EYS: variants seen among roughly 807,000 people sequenced by gnomAD.
EYS encodes EGF-like photoreceptor maintenance factor, also known as protein eyes shut homolog.
Under a neutral mutation model 282.1 loss-of-function variants are expected in EYS, and 250 were observed. The observed-to-expected ratio is 0.89, with a 90% CI of 0.80 to 0.98. The LOEUF is 0.98. Among genes scored for constraint, EYS ranks in the 50% least tolerant of loss-of-function variants. The pLI, the probability that EYS is intolerant of heterozygous loss-of-function variation, is 0.00. For missense variants in EYS, 4,016 were observed against 3,709.0 expected, an observed-to-expected ratio of 1.08 and a Z score of -2.15; for synonymous variants, 1,355 against 1,282.9, an observed-to-expected ratio of 1.06 and a Z score of -1.20.
chr6:64,938,518 T>A (rs1007100331), intron 15 of EYS, among the ~76,000 whole-genome samples: 1 of 151,696 alleles, frequency 6.6e-6, no homozygotes, highest in Admixed American at 6.6e-5. Flanking sequence ...CCAACTGGTT[T>A]GACGTGATGT....
chr6:64,745,355 G>A (rs961159006), intron 22 of EYS, among the ~76,000 whole-genome samples: 3 of 152,078 alleles, frequency 2.0e-5, no homozygotes, highest in African/African-American at 7.2e-5. Context: ...GAATTAAAAT[G>A]TGCAAAATAA....
At chr6:63,839,371 T>G (rs1195713671) in intron 36 of EYS, among the ~76,000 whole-genome samples, 1 of 152,222 alleles carries the variant, frequency 6.6e-6, no homozygotes, top group Non-Finnish European at 1.5e-5. Context: ...AGTTTATCTA[T>G]GTTGCTGCAA....
intron 29 of EYS, among the ~76,000 whole-genome samples, chr6:64,384,095 G>C (rs553428340): frequency 2.2e-4 from 34 of 152,072 alleles, no homozygotes; most frequent in South Asian, 8.3e-4. Context: ...ACATTTCATA[G>C]TAATTTATTT....
intron 12 of EYS, among the ~76,000 whole-genome samples, chr6:65,205,158 A>T (rs1037699258): frequency 2.1e-4 from 32 of 149,516 alleles, no homozygotes; most frequent in Non-Finnish European, 4.0e-4. Context: ...GAGAGAACCT[A>T]TAGGGGGTCT....
intron 26 of EYS, among the ~76,000 whole-genome samples, chr6:64,478,390 AAAATAATTTAGACAATTTT>A (rs1776337327): frequency 6.6e-6 from 1 of 151,820 alleles, no homozygotes; most frequent in Non-Finnish European, 1.5e-5. Flanking sequence ...ATGGATGGAA[AAAATAATTTAGACAATTTT>A]AATATTTAAA....
intron 2 of EYS, among the ~76,000 whole-genome samples, chr6:65,618,115 G>T (rs1766289424): frequency 6.6e-6 from 1 of 152,264 alleles, no homozygotes; most frequent in Non-Finnish European, 1.5e-5. Context: ...CTAGATCCCT[G>T]AGGAATTGCC....
At chr6:64,499,686 A>C (rs776744605) in intron 26 of EYS, among the ~76,000 whole-genome samples, 6 of 151,990 alleles carry the variant, frequency 3.9e-5, no homozygotes, top group African/African-American at 7.2e-5. Flanking sequence ...ACCTCCTGCA[A>C]ATCCACCTGG....
At chr6:65,392,693 G>A (rs1243898711) in intron 7 of EYS, among the ~76,000 whole-genome samples, 1 of 151,984 alleles carries the variant, frequency 6.6e-6, no homozygotes, top group Non-Finnish European at 1.5e-5. Context: ...AGAGGATGTG[G>A]AGAAATAGGA....
chr6:64,124,556 A>G (rs1773698309), intron 31 of EYS, among the ~76,000 whole-genome samples: 1 of 152,198 alleles, frequency 6.6e-6, no homozygotes, highest in Non-Finnish European at 1.5e-5. Context: ...ACTGCAGTTC[A>G]GTGGAAGACA....
chr6:65,664,563 A>G (rs1455293798), intron 1 of EYS, among the ~76,000 whole-genome samples: 1 of 152,154 alleles, frequency 6.6e-6, no homozygotes, highest in Non-Finnish European at 1.5e-5. Flanking sequence ...AAAGAAGACA[A>G]TGGCATTAAT....
intron 26 of EYS, among the ~76,000 whole-genome samples, chr6:64,505,782 TCTGCAC>T (rs1277130332): frequency 6.6e-6 from 1 of 152,210 alleles, no homozygotes; most frequent in African/African-American, 2.4e-5. Flanking sequence ...GACAATTCAG[TCTGCAC>T]CATGAACTAT....
At chr6:65,425,569 T>A (rs1229486186) in intron 5 of EYS, among the ~76,000 whole-genome samples, 1 of 152,116 alleles carries the variant, frequency 6.6e-6, no homozygotes, top group Non-Finnish European at 1.5e-5. Context: ...TATCTATGTG[T>A]TTTAGAGGTG....
At chr6:65,117,703 A>G (rs1775416020) in intron 12 of EYS, among the ~76,000 whole-genome samples, 1 of 152,222 alleles carries the variant, frequency 6.6e-6, no homozygotes, top group Admixed American at 6.5e-5. Context: ...CTGCATGTTT[A>G]GGTTATTCAA....
At chr6:64,778,274 G>C (rs1490120525) in intron 22 of EYS, among the ~76,000 whole-genome samples, 2 of 152,140 alleles carry the variant, frequency 1.3e-5, no homozygotes, top group Admixed American at 1.3e-4. Context: ...AAGAGAAAAG[G>C]AGAGGAGACA....
chr6:63,721,626 A>G lies in EYS; in HGVS notation c.8405T>C (p.Ile2802Thr). The G allele has an allele frequency of 6.4e-7, 1 of 1,551,294 alleles. No homozygotes were observed. The highest frequency in any genetic ancestry group is 1.4e-5 in the African/African-American group (1 of 73,120). ...GAEGYLDLDGINVTEKASTKM... is the reference protein window; with the variant it reads ...GAEGYLDLDGTNVTEKASTKM... ...AGTGGAGGCCTTTTCTGTTACATTT[A>G]TCCCATCTAGATCCAGGTAGCCTTC... The change falls in exon 43 of 43, where the codon ATA becomes ACA. Residue 2802 changes from isoleucine to threonine, a missense_variant. Physicochemically the swap from Ile to Thr is moderately conservative, Grantham distance 89. Transcript: ENST00000503581.
At position 64,831,930 on chromosome 6, in the gene EYS, G is replaced by A. The variant is rs114706534; in HGVS notation, c.2993-9108C>T. On this transcript the variant is annotated intron_variant, in intron 19 of 42. Transcript: ENST00000503581. ...TCAAGAAAGGTATGTGAAATGAGGC[G>A]TGTGTTTAATTAGGCAACTATGTTG... 3.9e-3 allele frequency among the ~76,000 whole-genome samples: 591 copies of A among 152,024 alleles called. 1 individual carries two copies. Among genetic ancestry groups the A allele is most frequent in the African/African-American group, 0.013 (522 of 41,526 alleles).
intron 13 of EYS, among the ~76,000 whole-genome samples, chr6:65,018,655 T>A (rs1772138450): frequency 6.6e-6 from 1 of 152,286 alleles, no homozygotes; most frequent in Admixed American, 6.5e-5. Context: ...GAAGGAAGCA[T>A]AAGAGGTTTT....
At position 64,437,013 on chromosome 6, in the gene EYS, G is replaced by A. The variant is rs554856753; in HGVS notation, c.5836-748C>T. On this transcript the variant is annotated intron_variant, in intron 27 of 42. Transcript: ENST00000503581. ...ACTTGCATTGTGTTTCATAACTTGT[G>A]CCCCTAGCTGTATTTAAGTTGATAT... Among the ~76,000 whole-genome samples the A allele has an allele frequency of 7.2e-5, 11 of 151,752 alleles. No homozygotes were observed. In the East Asian group the frequency reaches 1.5e-3, roughly 21 times the overall value.
chr6:64,518,209 A>G (rs1777620834), intron 26 of EYS, among the ~76,000 whole-genome samples: 1 of 151,826 alleles, frequency 6.6e-6, no homozygotes, highest in African/African-American at 2.4e-5. Flanking sequence ...CTCATTCTCT[A>G]TGCAGTCTAA....
Sources: gnomAD v4.1 joint callset for allele counts (sites outside exome capture counted in the v4.1 genomes callset) on GRCh38, gnomAD v4.1.1 for gene constraint, MANE v1.5 for transcripts, NCBI Gene and HGNC (gene_info 2026-07-23, HGNC 2026-07-21) for gene names.